SORCS2: variants seen among roughly 807,000 people sequenced by gnomAD.
SORCS2 encodes sortilin related VPS10 domain containing receptor 2.
A neutral mutation model predicts 141.6 loss-of-function variants in SORCS2; 100 were observed. The observed-to-expected ratio is 0.71, with a 90% confidence interval of 0.60 to 0.83. The LOEUF is 0.83. SORCS2 is among the 40% of genes least tolerant of loss of function. SORCS2 has a pLI of 0.00. For synonymous variants in SORCS2, 789 were observed against 676.9 expected (o/e 1.17, Z -2.57); for missense variants, 1,646 against 1,560.2 (o/e 1.05, Z -0.93).
chr4:7,689,422 C>T, intron 10 of SORCS2, 64 bp from the exon 11 acceptor site: 2 of 1,483,104 alleles, frequency 1.3e-6, no homozygotes, highest in South Asian at 1.2e-5. Flanking sequence ...TGTCATCAGG[C>T]TTAGTTTTCC....
At position 7,408,015 on chromosome 4, in the gene SORCS2, A is replaced by G. The variant is rs146730171; in HGVS notation, c.548+11660A>G. ...TAGTTGTTTCAGTTTACGTATTTCT[A>G]TATTACCTATTTCTCAGCAAGTTGT... On this transcript the variant is annotated intron_variant, in intron 2 of 26. Coordinates refer to ENST00000507866, the MANE Select transcript of SORCS2 (RefSeq NM_020777.3). Among the ~76,000 whole-genome samples the G allele has an allele frequency of 5.5e-3, 841 of 152,188 alleles. 6 individuals are homozygous for G. The highest frequency in any genetic ancestry group is 0.019 in the African/African-American group (798 of 41,544).
chr4:7,534,764 C>G (rs1279267985), intron 3 of SORCS2, among the ~76,000 whole-genome samples: 1 of 152,264 alleles, frequency 6.6e-6, no homozygotes, highest in Non-Finnish European at 1.5e-5. Context: ...CCACTGGAGC[C>G]TCCAGAGGAA....
chr4:7,604,162 C>T lies in SORCS2; in HGVS notation c.649-34166C>T, dbSNP rs181331414. Among the ~76,000 whole-genome samples the T allele has an allele frequency of 4.2e-4, 64 of 152,196 alleles. 1 individual carries two copies. The highest frequency in any genetic ancestry group is 1.9e-4 in the Non-Finnish European group (13 of 68,028). On this transcript the variant is annotated intron_variant, in intron 3 of 26. Transcript: ENST00000507866. ...TCTGGCCACAGGGTGGCTTTAGGGA[C>T]TGATATGGTTTGGCTCTGTGTCCCC...
chr4:7,705,764 C>T (rs1725388782), intron 14 of SORCS2, among the ~76,000 whole-genome samples: 1 of 152,262 alleles, frequency 6.6e-6, no homozygotes, highest in Admixed American at 6.5e-5. Flanking sequence ...CACCCTCGAC[C>T]CTGAGTGGCT....
chr4:7,563,868 C>T (rs888310177), intron 3 of SORCS2, among the ~76,000 whole-genome samples: 8 of 152,168 alleles, frequency 5.3e-5, no homozygotes, highest in African/African-American at 1.9e-4. Context: ...TTTTGACTAT[C>T]GCTAAGCAAT....
intron 1 of SORCS2, among the ~76,000 whole-genome samples, chr4:7,226,708 G>A (rs1274324050): frequency 1.3e-5 from 2 of 152,272 alleles, no homozygotes; most frequent in South Asian, 2.1e-4. Context: ...GTGGCCCTGC[G>A]GCGGCTCGGT....
At chr4:7,724,877 ATGGTGGTGGTGTTGG>A (rs1312957940) in intron 19 of SORCS2, among the ~76,000 whole-genome samples, 22,338 of 92,004 alleles carry the variant, frequency 0.24, 3,748 homozygotes, top group East Asian at 0.26. Context: ...GGTAGTGGTG[ATGGTGGTGGTGTTGG>A]TGATGGTGGT....
intron 1 of SORCS2, among the ~76,000 whole-genome samples, chr4:7,196,645 C>T (rs1044727713): frequency 6.7e-6 from 1 of 149,180 alleles, no homozygotes; most frequent in African/African-American, 2.5e-5. Context: ...CTTCCCTCTC[C>T]CTCCCCTCCC....
At chr4:7,400,841 G>A (rs1724535521) in intron 2 of SORCS2, among the ~76,000 whole-genome samples, 1 of 151,568 alleles carries the variant, frequency 6.6e-6, no homozygotes, top group Admixed American at 6.6e-5. Context: ...ATGGGTGGAT[G>A]GGGAGATGGA....
chr4:7,193,141 C>G lies in SORCS2; in HGVS notation c.480+15C>G. The G allele has an allele frequency of 2.7e-6, 4 of 1,504,286 alleles. No homozygotes were observed. The highest frequency in any genetic ancestry group is 1.7e-4 in the Middle Eastern group (1 of 5,754). The allele number at this position is 1,504,286 out of a possible 1,614,324, so 93.2% of individuals were successfully genotyped here. On this transcript the variant is annotated intron_variant, in intron 1 of 26. Coordinates refer to ENST00000507866, the MANE Select transcript of SORCS2 (RefSeq NM_020777.3). This position sits in a 1 kb window ranked among gnomAD's most constrained non-coding sequence, Gnocchi z 4.8. ...AGAACAGCAGCGTAAGTGACCTCCACGCGCTCGCCGCGGCCCCTACCCGGG... is the reference window on the plus strand; with the variant it reads ...AGAACAGCAGCGTAAGTGACCTCCAGGCGCTCGCCGCGGCCCCTACCCGGG...
At chr4:7,719,142 T>C (rs1395941674) in intron 18 of SORCS2, among the ~76,000 whole-genome samples, 1 of 152,220 alleles carries the variant, frequency 6.6e-6, no homozygotes, top group Admixed American at 6.5e-5. Context: ...GAGATGCAGC[T>C]AGTGCGGCTT....
At chr4:7,381,999 A>C (rs1248564820) in intron 1 of SORCS2, 1 of 985,178 alleles carries the variant, frequency 1.0e-6, no homozygotes, top group Admixed American at 6.1e-5. Context: ...GCAGGTGAAC[A>C]GGACCAGGGA....
At chr4:7,712,541 C>G (rs541689151) in intron 14 of SORCS2, among the ~76,000 whole-genome samples, 192 bp from the exon 15 acceptor site, 1 of 152,342 alleles carries the variant, frequency 6.6e-6, no homozygotes, top group East Asian at 1.9e-4. Flanking sequence ...ACGCCGAAGC[C>G]TACAGAGCAC....
chr4:7,258,228 C>T (rs560674656), intron 1 of SORCS2, among the ~76,000 whole-genome samples: 2 of 152,208 alleles, frequency 1.3e-5, no homozygotes, highest in South Asian at 4.1e-4. Context: ...ACACATATGC[C>T]ATGGTGGTTT....
intron 3 of SORCS2, among the ~76,000 whole-genome samples, chr4:7,552,014 G>C (rs949897829): frequency 6.6e-6 from 1 of 152,196 alleles, no homozygotes; most frequent in Non-Finnish European, 1.5e-5. Flanking sequence ...GCTCCACACG[G>C]CTCATAAATA....
chr4:7,476,211 A>G lies in SORCS2; in HGVS notation c.549-55319A>G, dbSNP rs368007692. Among the ~76,000 whole-genome samples the G allele has an allele frequency of 9.2e-5, 14 of 152,338 alleles. No individual in the cohort carries two copies. In the East Asian group the frequency reaches 1.5e-3, roughly 17 times the overall value. Reference sequence around the variant, plus strand: ...AGAGGACAGGTACTCAAGGAGAGATACAGATGGAGGGAAGTCGATAGACAG... The same window carrying G: ...AGAGGACAGGTACTCAAGGAGAGATGCAGATGGAGGGAAGTCGATAGACAG... On this transcript the variant is annotated intron_variant, in intron 2 of 26. Coordinates refer to ENST00000507866, the MANE Select transcript of SORCS2 (RefSeq NM_020777.3).
At chr4:7,226,300 G>T (rs1728986340) in intron 1 of SORCS2, among the ~76,000 whole-genome samples, 1 of 152,172 alleles carries the variant, frequency 6.6e-6, no homozygotes, top group African/African-American at 2.4e-5. Flanking sequence ...AGGTCACAAA[G>T]CCCAAGGAGC....
intron 11 of SORCS2, among the ~76,000 whole-genome samples, chr4:7,693,767 G>A (rs1178342417): frequency 2.6e-5 from 4 of 152,258 alleles, no homozygotes; most frequent in African/African-American, 7.2e-5. Context: ...GCCAGTTGCA[G>A]GCCCAGCCCT....
intron 21 of SORCS2, 77 bp downstream of exon 21, chr4:7,726,980 C>T (rs551233697): frequency 8.0e-6 from 12 of 1,500,130 alleles, no homozygotes; most frequent in Admixed American, 4.0e-5. Context: ...ACATGGGTCG[C>T]GTAAGCCATG....
Sources: allele counts gnomAD v4.1 joint callset (sites outside exome capture counted in the v4.1 genomes callset), GRCh38; gene constraint gnomAD v4.1.1; non-coding constraint Gnocchi (gnomAD v3.1); transcripts MANE v1.5; gene names NCBI Gene and HGNC (gene_info 2026-07-23, HGNC 2026-07-21).